GBE1: variants seen among roughly 807,000 people sequenced by gnomAD.
The protein encoded by GBE1 is 1,4-alpha-glucan branching enzyme 1.
GBE1 carries 70 observed loss-of-function variants against 88.8 expected under a neutral mutation model. The ratio of observed to expected loss-of-function variants is 0.79; its 90% CI spans 0.65 to 0.96. GBE1 has a LOEUF of 0.96. Among genes scored for constraint, GBE1 ranks in the 40% least tolerant of loss-of-function variants. The pLI is 0.00. For missense variants in GBE1, 872 were observed against 871.0 expected (o/e 1.00, Z -0.01); for synonymous variants, 284 against 300.1 (o/e 0.95, Z 0.56).
At chr3:81,659,269 T>G (rs980367659) in intron 3 of GBE1, among the ~76,000 whole-genome samples, 3 of 152,074 alleles carry the variant, frequency 2.0e-5, no homozygotes, top group African/African-American at 7.2e-5. Context: ...ATTACAAAAG[T>G]CTATGTGGTA....
At chr3:81,503,262 C>T (rs1288477683) in intron 14 of GBE1, among the ~76,000 whole-genome samples, 3 of 151,516 alleles carry the variant, frequency 2.0e-5, no homozygotes, top group Non-Finnish European at 2.9e-5. Flanking sequence ...TATGAACATG[C>T]GTAAATAGAG....
rs1455873638 is a variant in GBE1, at chr3:81,761,585, T to C, written c.-68A>G. On this transcript the variant is annotated 5_prime_UTR_variant, in exon 1 of 16. Transcript: ENST00000429644. The stretch of plus-strand genomic sequence containing the variant: ...GGGGCCTGAGCGGGCGCTGGAGCTC[T>C]AGCTGGGACGCGGCGGCTAGGGCGG... 6 of 1,522,674 alleles carry C rather than the reference T, an allele frequency of 3.9e-6. No individual in the cohort carries two copies. The highest frequency in any genetic ancestry group is 5.3e-6 in the Non-Finnish European group (6 of 1,135,154). 94.3% of individuals were successfully genotyped at this position (1,522,674 alleles called of 1,614,324 possible). A position where few individuals can be genotyped will look rare whatever the true frequency, so the allele number is the denominator to read the frequency against.
In GBE1 at chr3:81,699,256, G is replaced by T. The variant is rs113871585; in HGVS notation, c.313+6188C>A. The stretch of plus-strand genomic sequence containing the variant: ...CTATTGAACAAACGACTCCTTGAAG[G>T]TCTCTCTGAGTTCAGAAGTCAAGAA... On this transcript the variant is annotated intron_variant, in intron 2 of 15. Transcript: ENST00000429644. Among the ~76,000 whole-genome samples, 34 of 152,206 alleles carry T rather than the reference G, an allele frequency of 2.2e-4. 1 individual carries two copies. The highest frequency in any genetic ancestry group is 7.2e-4 in the African/African-American group (30 of 41,492).
At chr3:81,687,514 GAAA>G (rs912905175) in intron 2 of GBE1, among the ~76,000 whole-genome samples, 3 of 152,144 alleles carry the variant, frequency 2.0e-5, no homozygotes, top group African/African-American at 7.2e-5. Flanking sequence ...TTACGTGAAT[GAAA>G]AATGAGGAGG....
intron 1 of GBE1, among the ~76,000 whole-genome samples, chr3:81,738,121 A>C (rs1345140816): frequency 6.6e-6 from 1 of 151,568 alleles, no homozygotes; most frequent in African/African-American, 2.4e-5. Flanking sequence ...CATGGTGTAT[A>C]TGTGCCACAT....
chr3:81,749,005 C>CAAAAAAAAAAAAAAA (rs34051030), intron 1 of GBE1, among the ~76,000 whole-genome samples: 4 of 108,088 alleles, frequency 3.7e-5, no homozygotes, highest in Non-Finnish European at 3.8e-5. Flanking sequence ...GACTCTGTCT[C>CAAAAAAAAAAAAAAA]AAAAAAAAAA....
In GBE1 at chr3:81,499,090, A is replaced by T. The variant is rs753585198; in HGVS notation, c.2052+20T>A. On this transcript the variant is annotated intron_variant, in intron 15 of 15. Transcript: ENST00000429644. ...AGAGTAAATTAAAATAGCAGGAAATATGTTGAGAAACTTACTTACCAAAAG... is the reference window on the plus strand; with the variant it reads ...AGAGTAAATTAAAATAGCAGGAAATTTGTTGAGAAACTTACTTACCAAAAG... 4.1e-6 allele frequency: 5 copies of T among 1,223,842 alleles called. No individual in the cohort carries two copies. In the Admixed American group the frequency reaches 7.5e-5, roughly 18 times the overall value. The allele number at this position is 1,223,842 out of a possible 1,614,324, so 75.8% of individuals were successfully genotyped here.
rs144605710 is a variant in GBE1 at position 81,530,279 on chromosome 3, T to C, written c.1934+4916A>G. On this transcript the variant is annotated intron_variant, in intron 14 of 15. Transcript: ENST00000429644. ...TCAAAATTGCTATTTCATTTTTTTT[T>C]TTTTCTGTCAGAAAGGTCACATATC... Among the ~76,000 whole-genome samples, 7 of 152,114 alleles carry C rather than the reference T, an allele frequency of 4.6e-5. No homozygotes were observed. The East Asian group carries it at 1.4e-3, about 30-fold the overall frequency.
At chr3:81,498,205 G>T (rs1434011988) in intron 15 of GBE1, among the ~76,000 whole-genome samples, 1 of 152,080 alleles carries the variant, frequency 6.6e-6, no homozygotes, top group African/African-American at 2.4e-5. Flanking sequence ...TAATATGGCA[G>T]CTTACAAAGT....
At chr3:81,701,505 A>G (rs1402277398) in intron 2 of GBE1, among the ~76,000 whole-genome samples, 4 of 151,930 alleles carry the variant, frequency 2.6e-5, no homozygotes, top group Non-Finnish European at 5.9e-5. Flanking sequence ...ACCTTTGCAA[A>G]TAAGAGGGTT....
chr3:81,495,851 C>A (rs1189554981), intron 15 of GBE1, among the ~76,000 whole-genome samples: 1 of 152,124 alleles, frequency 6.6e-6, no homozygotes, highest in Non-Finnish European at 1.5e-5. Context: ...TACTTTTGAA[C>A]CTCCAAATTT....
rs1290586284 is a variant in GBE1 at position 81,750,601 on chromosome 3, G to GTATATATATATGTATA, written c.143+10773_143+10774insTATACATATATATATA. On this transcript the variant is annotated intron_variant, in intron 1 of 15. Transcript: ENST00000429644. ...CGTATATATATACGTATATATATAT[G>GTATATATATATGTATA]TGTATATATATATATGTATATATAT... Among the ~76,000 whole-genome samples, 10 of 35,792 alleles carry GTATATATATATGTATA rather than the reference G, an allele frequency of 2.8e-4. No individual in the cohort carries two copies. In the East Asian group the frequency reaches 0.011, roughly 39 times the overall value. 23.5% of individuals were successfully genotyped at this position (35,792 alleles called of 152,430 possible). A position where few individuals can be genotyped will look rare whatever the true frequency, so the allele number is the denominator to read the frequency against.
intron 1 of GBE1, among the ~76,000 whole-genome samples, chr3:81,742,075 C>T (rs1169434964): frequency 1.3e-5 from 2 of 151,814 alleles, no homozygotes; most frequent in African/African-American, 4.8e-5. Flanking sequence ...CCATTAAAAA[C>T]CTAAATCCTT....
chr3:81,676,810 A>C (rs374569380), intron 2 of GBE1, among the ~76,000 whole-genome samples: 90 of 152,292 alleles, frequency 5.9e-4, no homozygotes, highest in African/African-American at 2.0e-3. Flanking sequence ...ATAAGGCATA[A>C]GATTCTATTT....
intron 1 of GBE1, among the ~76,000 whole-genome samples, chr3:81,728,215 T>C (rs552203270): frequency 3.3e-5 from 5 of 152,196 alleles, no homozygotes; most frequent in Admixed American, 3.3e-4. Context: ...CATATACATA[T>C]CATAGAATCA....
chr3:81,567,589 T>C (rs1703510326), intron 12 of GBE1, among the ~76,000 whole-genome samples: 1 of 152,236 alleles, frequency 6.6e-6, no homozygotes, highest in Non-Finnish European at 1.5e-5. Context: ...TACAAAGTGG[T>C]ACCAACAGGT....
At chr3:81,714,759 G>A (rs1157925102) in intron 1 of GBE1, among the ~76,000 whole-genome samples, 1 of 152,168 alleles carries the variant, frequency 6.6e-6, no homozygotes, top group African/African-American at 2.4e-5. Context: ...ATTTCTTATA[G>A]TTCTAGAGGC....
At chr3:81,647,692 G>T (rs908877468) in intron 5 of GBE1, among the ~76,000 whole-genome samples, 22 of 151,994 alleles carry the variant, frequency 1.4e-4, no homozygotes, top group Non-Finnish European at 2.5e-4. Flanking sequence ...TTTTCTTAAG[G>T]TTTATATAAG....
At chr3:81,509,796 A>G (rs1417230558) in intron 14 of GBE1, 1 of 151,988 alleles carries the variant, frequency 6.6e-6, no homozygotes, top group Non-Finnish European at 1.5e-5. Context: ...ATCTGTATAA[A>G]TATAACTTCT....
Sources: gnomAD v4.1 joint callset for allele counts (sites outside exome capture counted in the v4.1 genomes callset) on GRCh38, gnomAD v4.1.1 for gene constraint, MANE v1.5 for transcripts, NCBI Gene and HGNC (gene_info 2026-07-23, HGNC 2026-07-21) for gene names.